Variants in SRC observed in about 807,000 individuals in gnomAD.
SRC encodes SRC proto-oncogene, non-receptor tyrosine kinase.
In SRC, 13 loss-of-function variants were observed where a neutral mutation model predicts 62.9. That is an observed-to-expected ratio of 0.21 (90% CI 0.13 to 0.33). SRC has a LOEUF of 0.33. Ranked by LOEUF, SRC falls within the 10% of genes least tolerant of loss-of-function variation. The pLI is 1.00. For missense variants in SRC, 457 were observed against 737.3 expected (o/e 0.62, Z 4.40); for synonymous variants, 302 against 317.5 (o/e 0.95, Z 0.52).
intron 1 of SRC, among the ~76,000 whole-genome samples, chr20:37,360,246 C>T (rs2069949570): frequency 1.3e-5 from 1 of 74,934 alleles, no homozygotes. Flanking sequence ...TTTGGTGAGA[C>T]AGGGTCTCAC....
chr20:37,356,951 G>C (rs1321121484), intron 1 of SRC, among the ~76,000 whole-genome samples: 3 of 152,208 alleles, frequency 2.0e-5, no homozygotes. Flanking sequence ...GGTCACACTA[G>C]AGCTTCCCTC....
chr20:37,390,026 A>G (rs1331054107), intron 5 of SRC, among the ~76,000 whole-genome samples: 1 of 152,136 alleles, frequency 6.6e-6, no homozygotes, highest in Non-Finnish European at 1.5e-5. Context: ...AGCCCTTGAC[A>G]TGGGAAGATG....
In SRC at chr20:37,399,079, G is replaced by A. The variant is rs149693708; in HGVS notation, c.860-1036G>A. 1.8e-3 allele frequency among the ~76,000 whole-genome samples: 279 copies of A among 152,352 alleles called. 1 individual carries two copies. Among genetic ancestry groups the A allele is most frequent in the African/African-American group, 6.4e-3 (265 of 41,576 alleles). ...TTAGAAAAGCAGATAGTAGTGAAAT[G>A]ATAACCACATTACTTACTGAGCCCT... On this transcript the variant is annotated intron_variant, in intron 9 of 13. Transcript: ENST00000373578.
intron 1 of SRC, among the ~76,000 whole-genome samples, chr20:37,361,581 G>T (rs2069970009): frequency 6.6e-6 from 1 of 152,244 alleles, no homozygotes; most frequent in African/African-American, 2.4e-5. Flanking sequence ...AAAGCAGCTG[G>T]CAGGGAACAG....
chr20:37,401,751 T>A, intron 11 of SRC, 73 bp downstream of exon 11: 1 of 1,196,496 alleles, frequency 8.4e-7, no homozygotes. Flanking sequence ...CAGCCAGTTC[T>A]GGCCTCTTGA....
chr20:37,348,696 G>A (rs191336580), intron 1 of SRC, among the ~76,000 whole-genome samples: 5 of 152,272 alleles, frequency 3.3e-5, no homozygotes, highest in African/African-American at 9.6e-5. Context: ...CTGGGAACAG[G>A]TCCTTGGCCT....
intron 2 of SRC, among the ~76,000 whole-genome samples, chr20:37,369,147 A>C (rs1047664051): frequency 2.0e-5 from 3 of 152,230 alleles, no homozygotes; most frequent in African/African-American, 7.2e-5. Context: ...TTTTTCTTAA[A>C]GACTGTTTGG....
intron 5 of SRC, among the ~76,000 whole-genome samples, chr20:37,387,900 T>C: frequency 6.6e-6 from 1 of 152,124 alleles, no homozygotes; most frequent in East Asian, 1.9e-4. Flanking sequence ...AAATGGGAAG[T>C]CTTACTTGCA....
At chr20:37,354,587 G>T (rs1600953138) in intron 1 of SRC, among the ~76,000 whole-genome samples, 2 of 152,176 alleles carry the variant, frequency 1.3e-5, no homozygotes, top group African/African-American at 4.8e-5. Flanking sequence ...CCTAGGCAGG[G>T]GCAGGGGCAG....
chr20:37,357,468 C>A (rs2033399711), intron 1 of SRC, among the ~76,000 whole-genome samples: 1 of 152,356 alleles, frequency 6.6e-6, no homozygotes, highest in South Asian at 2.1e-4. Context: ...GGCTGTGTGC[C>A]TTTGGCCAGT....
intron 2 of SRC, among the ~76,000 whole-genome samples, chr20:37,373,426 CGT>C (rs1450412007): frequency 1.1e-3 from 167 of 146,888 alleles, no homozygotes; most frequent in African/African-American, 4.0e-3. Context: ...CGCATATATG[CGT>C]GTATATACGC....
At chr20:37,378,042 CTT>C (rs1481470556) in intron 2 of SRC, among the ~76,000 whole-genome samples, 3 of 149,050 alleles carry the variant, frequency 2.0e-5, no homozygotes, top group South Asian at 2.1e-4. Flanking sequence ...CAATTCTACT[CTT>C]TTAGTTTTTT....
Position 37,384,549 on chromosome 20 carries a change from G to GC in SRC, c.250+146_250+147insC. 1.1e-6 allele frequency: 1 copy of GC among 938,012 alleles called. No homozygotes were observed. The allele number at this position is 938,012 out of a possible 1,614,324, so 58.1% of individuals were successfully genotyped here. A position where few individuals can be genotyped will look rare whatever the true frequency, so the allele number is the denominator to read the frequency against. ...CCTGGGTGACTTGGGTGTCCGGGGG[G>GC]TGGGGGGGCGGCCGTACACACTGTG... On this transcript the variant is annotated intron_variant, in intron 4 of 13. Transcript: ENST00000373578. The surrounding 1 kb of genome is among the most constrained non-coding windows in gnomAD (Gnocchi z 6.7).
intron 5 of SRC, among the ~76,000 whole-genome samples, chr20:37,386,654 C>T (rs1490502490): frequency 2.0e-5 from 3 of 152,178 alleles, no homozygotes; most frequent in African/African-American, 7.2e-5. Flanking sequence ...GACCTTAACG[C>T]AGGCTGCGAT....
intron 9 of SRC, among the ~76,000 whole-genome samples, chr20:37,399,641 C>T (rs2070709411): frequency 6.6e-6 from 1 of 151,784 alleles, no homozygotes; most frequent in African/African-American, 2.4e-5. Context: ...GCCTCCCAGG[C>T]TCAAACCATT....
At chr20:37,392,874 T>C (rs2070574694) in intron 5 of SRC, among the ~76,000 whole-genome samples, 1 of 151,966 alleles carries the variant, frequency 6.6e-6, no homozygotes, top group Admixed American at 6.5e-5. Flanking sequence ...CTCTCTCCCC[T>C]GCTCTTTCTG....
At chr20:37,377,810 C>T (rs1040595972) in intron 2 of SRC, among the ~76,000 whole-genome samples, 1 of 152,146 alleles carries the variant, frequency 6.6e-6, no homozygotes, top group African/African-American at 2.4e-5. Flanking sequence ...TCTCCCCATC[C>T]CACACTTTTG....
rs1164121223 is a variant in SRC at position 37,402,903 on chromosome 20, T to C, written c.1402+23T>C. The C allele has an allele frequency of 6.2e-7, 1 of 1,607,526 alleles. No individual in the cohort carries two copies. The highest frequency in any genetic ancestry group is 1.1e-5 in the South Asian group (1 of 90,168). On this transcript the variant is annotated intron_variant, in intron 13 of 13. Coordinates refer to ENST00000373578, the MANE Select transcript of SRC (RefSeq NM_198291.3). This position sits in a 1 kb window ranked among gnomAD's most constrained non-coding sequence, Gnocchi z 6.2. ...CTGGTAAGAAGGTCCTCATGGCCTG[T>C]CTGTGGTCCCTGAATCCCTCTGCCC...
At chr20:37,386,351 G>T in intron 5 of SRC, 177 bp downstream of exon 5, 1 of 733,448 alleles carries the variant, frequency 1.4e-6, no homozygotes. Flanking sequence ...AGCACCTGCT[G>T]TTGCTCCCCC....
Sources: gnomAD v4.1 joint callset for allele counts (sites outside exome capture counted in the v4.1 genomes callset) on GRCh38, gnomAD v4.1.1 for gene constraint, Gnocchi (gnomAD v3.1) non-coding constraint, MANE v1.5 for transcripts, NCBI Gene and HGNC (gene_info 2026-07-23, HGNC 2026-07-21) for gene names.